Variants in PDHX observed in about 807,000 individuals in gnomAD.
PDHX encodes pyruvate dehydrogenase protein X component, mitochondrial.
PDHX carries 33 observed loss-of-function variants against 55.3 expected under a neutral mutation model. The observed-to-expected ratio is 0.60, with a 90% CI of 0.45 to 0.80. PDHX has a LOEUF of 0.80. Ranked by LOEUF, PDHX falls within the 30% of genes least tolerant of loss-of-function variation. The probability of loss-of-function intolerance (pLI) is 0.00; values close to 1 mark genes in which losing one functional copy is unlikely to be tolerated. For synonymous variants in PDHX, 226 were observed against 219.4 expected, an observed-to-expected ratio of 1.03 and a Z score of -0.27; for missense variants, 622 against 619.9, an observed-to-expected ratio of 1.00 and a Z score of -0.04.
At chr11:34,951,535 A>T (rs888736365) in intron 3 of PDHX, among the ~76,000 whole-genome samples, 15 of 151,712 alleles carry the variant, frequency 9.9e-5, no homozygotes, top group African/African-American at 3.6e-4. Context: ...CCACTTTTTG[A>T]TGGGGTTGTT....
intron 6 of PDHX, among the ~76,000 whole-genome samples, chr11:34,968,364 A>G (rs1006570330): frequency 3.9e-5 from 6 of 152,178 alleles, no homozygotes; most frequent in African/African-American, 1.4e-4. Flanking sequence ...GTACTTTGCT[A>G]ACATAAAATG....
chr11:34,987,245 T>C (rs556139817), intron 9 of PDHX, among the ~76,000 whole-genome samples: 1 of 152,322 alleles, frequency 6.6e-6, no homozygotes, highest in East Asian at 1.9e-4. Context: ...AGGGTTTGGT[T>C]TGGTCCTCAA....
intron 3 of PDHX, among the ~76,000 whole-genome samples, chr11:34,952,860 T>G (rs10742329): frequency 2.7e-5 from 4 of 149,002 alleles, no homozygotes; most frequent in Non-Finnish European, 4.5e-5. Context: ...GCAGGAGAAG[T>G]AAATAAAGGG....
rs372547926 is a variant in PDHX, at chr11:34,945,223, T to C, written c.242-2283T>C. Among the ~76,000 whole-genome samples the C allele has an allele frequency of 7.4e-4, 113 of 152,320 alleles. 3 individuals are homozygous for C. The South Asian group carries it at 0.023, about 31-fold the overall frequency. The stretch of plus-strand genomic sequence containing the variant: ...GTTAGCATGCCTTACCATCTAAACA[T>C]TTCCTTACCTATCTTATTATTTTTT... On this transcript the variant is annotated intron_variant, in intron 2 of 10. Transcript: ENST00000227868.
At chr11:34,925,743 G>C (rs1450362637) in intron 1 of PDHX, among the ~76,000 whole-genome samples, 2 of 152,152 alleles carry the variant, frequency 1.3e-5, no homozygotes, top group East Asian at 3.8e-4. Flanking sequence ...GCCATATACA[G>C]GTTTGAGCAT....
At chr11:34,976,525 C>T (rs1855378308) in intron 7 of PDHX, among the ~76,000 whole-genome samples, 1 of 152,048 alleles carries the variant, frequency 6.6e-6, no homozygotes, top group African/African-American at 2.4e-5. Flanking sequence ...GCCTCAGTAT[C>T]TCAGAATTAG....
At chr11:34,919,220 G>T (rs1590724028) in intron 1 of PDHX, among the ~76,000 whole-genome samples, 2 of 152,274 alleles carry the variant, frequency 1.3e-5, no homozygotes, top group African/African-American at 4.8e-5. Flanking sequence ...CCTACATACA[G>T]ATTTTTGTTT....
At chr11:34,969,257 G>A (rs1855201644) in intron 6 of PDHX, among the ~76,000 whole-genome samples, 1 of 152,006 alleles carries the variant, frequency 6.6e-6, no homozygotes, top group Non-Finnish European at 1.5e-5. Flanking sequence ...GTTCATCAGA[G>A]TGTCACTTCA....
chr11:34,990,541 T>C (rs1251958789), intron 9 of PDHX, among the ~76,000 whole-genome samples: 2 of 152,212 alleles, frequency 1.3e-5, no homozygotes, highest in Admixed American at 1.3e-4. Context: ...TGTGTGGTAG[T>C]TCATCAGGAT....
chr11:34,980,778 T>C (rs1565168762), intron 8 of PDHX, among the ~76,000 whole-genome samples: 1 of 152,094 alleles, frequency 6.6e-6, no homozygotes. Flanking sequence ...AGGGGAGTGG[T>C]CACAAGTAAA....
At chr11:34,958,284 A>G (rs1440642223) in intron 4 of PDHX, among the ~76,000 whole-genome samples, 1 of 151,976 alleles carries the variant, frequency 6.6e-6, no homozygotes, top group Non-Finnish European at 1.5e-5. Context: ...AAGAATCCAC[A>G]GTGCTTTTTT....
chr11:34,981,707 A>G (rs1300865861), intron 8 of PDHX, among the ~76,000 whole-genome samples: 3 of 152,122 alleles, frequency 2.0e-5, no homozygotes, highest in Non-Finnish European at 4.4e-5. Context: ...CTGGTGTGAG[A>G]TGGTATCTCA....
intron 2 of PDHX, among the ~76,000 whole-genome samples, chr11:34,943,664 T>C (rs918725503): frequency 2.6e-5 from 4 of 152,186 alleles, no homozygotes; most frequent in Non-Finnish European, 5.9e-5. Context: ...CTGCATATCT[T>C]ACCAGCCTAA....
intron 8 of PDHX, 30 bp downstream of exon 8, chr11:34,978,212 T>G (rs372394512): frequency 1.6e-5 from 21 of 1,305,988 alleles, no homozygotes; most frequent in African/African-American, 2.8e-5. Context: ...TGATTTTGTC[T>G]TCTTAAGTAG....
intron 2 of PDHX, among the ~76,000 whole-genome samples, chr11:34,942,441 T>C (rs1234895216): frequency 6.6e-6 from 1 of 152,184 alleles, no homozygotes; most frequent in Non-Finnish European, 1.5e-5. Context: ...CATTTAAAAT[T>C]TTCCTGAGAG....
At chr11:34,915,979 T>C (rs1853671878), upstream of PDHX, 4 of 581,796 alleles carry the variant, frequency 6.9e-6, no homozygotes, top group Non-Finnish European at 1.2e-5. Context: ...GTTATTTGCT[T>C]CTTTCCAACG....
chr11:34,918,685 A>T (rs1198477844), intron 1 of PDHX, among the ~76,000 whole-genome samples: 2 of 152,206 alleles, frequency 1.3e-5, no homozygotes, highest in Admixed American at 6.5e-5. Flanking sequence ...TTAGTGGCTT[A>T]AAACAACACA....
In PDHX at chr11:34,994,014, TA is replaced by T. The variant is rs1183383606; in HGVS notation, c.1248-897del. Among the ~76,000 whole-genome samples, 3 of 152,348 alleles carry T rather than the reference TA, an allele frequency of 2.0e-5. No individual in the cohort carries two copies. In the East Asian group the frequency reaches 5.8e-4, roughly 29 times the overall value. Reference sequence around the variant, plus strand: ...GATACTATTATAAATGGTATTGTTTTAAATTTTTATTTTCTAATTATAGCAA... The same window carrying T: ...GATACTATTATAAATGGTATTGTTTTAATTTTTATTTTCTAATTATAGCAA... On this transcript the variant is annotated intron_variant, in intron 10 of 10. Transcript: ENST00000227868.
chr11:34,916,892 G>A (rs1270107395), intron 1 of PDHX, 77 bp downstream of exon 1: 19 of 1,379,500 alleles, frequency 1.4e-5, no homozygotes, highest in Non-Finnish European at 1.8e-5. Flanking sequence ...ATGATTGAGG[G>A]CCTGCTTTTG....
Sources: gnomAD v4.1 joint callset for allele counts (sites outside exome capture counted in the v4.1 genomes callset) on GRCh38, gnomAD v4.1.1 for gene constraint, MANE v1.5 for transcripts, NCBI Gene and HGNC (gene_info 2026-07-23, HGNC 2026-07-21) for gene names.